Variants in DLX6 observed in about 807,000 individuals in gnomAD.
DLX6 encodes the protein homeobox protein DLX-6.
Under a neutral mutation model 33.5 loss-of-function variants are expected in DLX6, and 4 were observed. The observed-to-expected ratio is 0.12, with a 90% CI of 0.06 to 0.27. The LOEUF (loss-of-function observed/expected upper bound fraction) is 0.27, where lower values mean the gene tolerates loss of function less well. Ranked by LOEUF, DLX6 falls within the 10% of genes least tolerant of loss-of-function variation. DLX6 has a pLI of 1.00. For missense variants in DLX6, 382 were observed against 393.3 expected (o/e 0.97, Z 0.24); for synonymous variants, 184 against 164.8 (o/e 1.12, Z -0.89).
At chr7:97,006,538 T>C in intron 1 of DLX6, 125 bp downstream of exon 1, 2 of 1,046,026 alleles carry the variant, frequency 1.9e-6, no homozygotes, top group East Asian at 3.8e-5. Context: ...CCGCGCGCCC[T>C]TGGCCGGGCC....
Position 97,010,213 on chromosome 7 carries a change from T to C in DLX6, c.*166T>C. The C allele has an allele frequency of 2.4e-5, 15 of 624,274 alleles. No individual in the cohort carries two copies. Among genetic ancestry groups the C allele is most frequent in the South Asian group, 3.1e-5 (1 of 32,328 alleles). The allele number at this position is 624,274 out of a possible 1,614,324, so 38.7% of individuals were successfully genotyped here. On this transcript the variant is annotated 3_prime_UTR_variant, in exon 3 of 3. Coordinates refer to ENST00000518156, the MANE Select transcript of DLX6 (RefSeq NM_005222.4). ...CTCTCCCTCTCTCTCTCTCTCCCTC[T>C]CCTTTCTTTTTACTTCTTCCTTTCC...
At chr7:97,007,213 C>T (rs1789756435) in intron 1 of DLX6, 6 of 421,048 alleles carry the variant, frequency 1.4e-5, no homozygotes, top group East Asian at 4.2e-5. Context: ...GAGCTTGGAG[C>T]TGGTGACATC....
In DLX6 at chr7:97,010,485, A is replaced by G; in HGVS notation, c.*438A>G. 1 of 156,696 alleles carries G rather than the reference A, an allele frequency of 6.4e-6. No homozygotes were observed. The highest frequency in any genetic ancestry group is 1.4e-5 in the Non-Finnish European group (1 of 71,032). 9.7% of individuals were successfully genotyped at this position (156,696 alleles called of 1,614,324 possible). On this transcript the variant is annotated 3_prime_UTR_variant, in exon 3 of 3. Transcript: ENST00000518156. ...GAGTCTCTTCTCTTTGGGAGTATCCATCAAAATGACTTTTTTTAAAAACAG... is the reference window on the plus strand; with the variant it reads ...GAGTCTCTTCTCTTTGGGAGTATCCGTCAAAATGACTTTTTTTAAAAACAG...
At position 97,006,027 on chromosome 7, in the gene DLX6, C is replaced by A; in HGVS notation, c.50C>A (p.Ser17Tyr). The stretch of plus-strand genomic sequence containing the variant: ...GACGGCTTGGAAGGCCAGGACTCGT[C>A]CAAATCCGCCTTCATGGAGTTCGGG... Reference protein sequence around the residue: ...MADGLEGQDSSKSAFMEFGQQ... With the variant: ...MADGLEGQDSYKSAFMEFGQQ... The change falls in exon 1 of 3, where the codon TCC (serine) becomes TAC (tyrosine). Residue 17 changes from serine (S) to tyrosine (Y), a missense_variant. Ser to Tyr is a moderately radical substitution (Grantham distance 144). This residue lies in a region of DLX6 where 257 missense variants were observed against 206.9 expected (regional missense o/e 1.24). Coordinates refer to ENST00000518156, the MANE Select transcript of DLX6 (RefSeq NM_005222.4). 1 of 1,596,200 alleles carries A rather than the reference C, an allele frequency of 6.3e-7. No homozygotes were observed. The highest frequency in any genetic ancestry group is 8.5e-7 in the Non-Finnish European group (1 of 1,172,060).
intron 1 of DLX6, chr7:97,007,247 C>G (rs775146692): frequency 4.4e-5 from 22 of 504,280 alleles, no homozygotes; most frequent in Non-Finnish European, 6.7e-5. Context: ...GCGTAAACAC[C>G]TGGGTGGCTC....
intron 1 of DLX6, 21 bp downstream of exon 1, chr7:97,006,434 C>T (rs1196089060): frequency 4.6e-6 from 6 of 1,295,740 alleles, no homozygotes; most frequent in Non-Finnish European, 5.9e-6. Context: ...GCTGGGGCAG[C>T]TCGCTTCTCC....
chr7:97,010,193 C>CCTCTCTCTCT lies in DLX6; in HGVS notation c.*152_*161dup. On this transcript the variant is annotated 3_prime_UTR_variant, in exon 3 of 3. Coordinates refer to ENST00000518156, the MANE Select transcript of DLX6 (RefSeq NM_005222.4). The stretch of plus-strand genomic sequence containing the variant: ...AAGCCGACTAGGCTCATTCTCTCTC[C>CCTCTCTCTCT]CTCTCTCTCTCTCTCCCTCTCCTTT... 1.4e-6 allele frequency: 1 copy of CCTCTCTCTCT among 733,834 alleles called. No individual in the cohort carries two copies. The highest frequency in any genetic ancestry group is 2.4e-5 in the South Asian group (1 of 41,120). 45.5% of individuals were successfully genotyped at this position (733,834 alleles called of 1,614,324 possible).
At chr7:97,009,362 T>C (rs191874659) in intron 2 of DLX6, among the ~76,000 whole-genome samples, 269 of 152,324 alleles carry the variant, frequency 1.8e-3, no homozygotes, top group Non-Finnish European at 2.6e-3. Context: ...CTGTGTAAAA[T>C]AGTTATTTTA....
At position 97,010,018 on chromosome 7, in the gene DLX6, G is replaced by A; in HGVS notation, c.853G>A (p.Asp285Asn). 6.2e-7 allele frequency: 1 copy of A among 1,601,784 alleles called. No homozygotes were observed. The highest frequency in any genetic ancestry group is 1.1e-5 in the South Asian group (1 of 89,374). The change falls in exon 3 of 3, where the codon GAC becomes AAC. Residue 285 changes from aspartate to asparagine, a missense_variant. Around this residue, in one of 4 missense-constraint regions of DLX6, gnomAD observed 96 missense variants for 93.3 expected, o/e 1.03. Coordinates refer to ENST00000518156, the MANE Select transcript of DLX6 (RefSeq NM_005222.4). ...YSHWYSSPHQ[D>N]TMQRPQMM ...TCACTGGTACTCCTCTCCACACCAG[G>A]ACACGATGCAGAGACCACAGATGAT...
intron 2 of DLX6, among the ~76,000 whole-genome samples, chr7:97,008,509 C>T (rs2115873125): frequency 6.6e-6 from 1 of 152,264 alleles, no homozygotes; most frequent in African/African-American, 2.4e-5. Context: ...AAAATTGTAA[C>T]AGGTGAAGCC....
chr7:97,009,640 G>T (rs964418602), intron 2 of DLX6, among the ~76,000 whole-genome samples, 156 bp from the exon 3 acceptor site: 1 of 152,210 alleles, frequency 6.6e-6, no homozygotes, highest in Non-Finnish European at 1.5e-5. Context: ...CTAGAAAGAG[G>T]TGGAAGGAGG....
Position 97,005,840 on chromosome 7 carries a change from ATTCT to A in DLX6, c.-135_-132del. Reference sequence around the variant, plus strand: ...GAACCACCTCCACCCCCCTCTTTAAATTCTTTTTTTTTTTTTTTTTTTTTTTTGC... The same window carrying A: ...GAACCACCTCCACCCCCCTCTTTAAATTTTTTTTTTTTTTTTTTTTTTTGC... On this transcript the variant is annotated 5_prime_UTR_variant, in exon 1 of 3. Transcript: ENST00000518156. The A allele has an allele frequency of 4.8e-6, 3 of 626,982 alleles. No homozygotes were observed. In the East Asian group the frequency reaches 9.9e-5, roughly 21 times the overall value. The allele number at this position is 626,982 out of a possible 1,614,324, so 38.8% of individuals were successfully genotyped here. A position where few individuals can be genotyped will look rare whatever the true frequency, so the allele number is the denominator to read the frequency against.
In DLX6 at chr7:97,010,040, T is replaced by C; in HGVS notation, c.875T>C (p.Met292Thr). 1 of 1,590,540 alleles carries C rather than the reference T, an allele frequency of 6.3e-7. No homozygotes were observed. Among genetic ancestry groups the C allele is most frequent in the Non-Finnish European group, 8.6e-7 (1 of 1,168,062 alleles). The change falls in exon 3 of 3, where the codon ATG becomes ACG. Residue 292 changes from methionine to threonine, a missense_variant. By Grantham distance (81) the Met-to-Thr change is moderately conservative (BLOSUM62 -1). This residue lies in a region of DLX6 where 96 missense variants were observed against 93.3 expected (regional missense o/e 1.03). Transcript: ENST00000518156. ...PHQDTMQRPQ[M>T]M ...CAGGACACGATGCAGAGACCACAGA[T>C]GATGTGAGTTGCCCAAGGGAACACC... is the stretch of plus-strand genomic sequence containing the variant.
chr7:97,010,249 CTTT>C lies in DLX6; in HGVS notation c.*203_*205del. The C allele has an allele frequency of 1.8e-6, 1 of 552,194 alleles. No individual in the cohort carries two copies. The highest frequency in any genetic ancestry group is 1.9e-5 in the African/African-American group (1 of 53,070). The allele number at this position is 552,194 out of a possible 1,614,324, so 34.2% of individuals were successfully genotyped here. A position where few individuals can be genotyped will look rare whatever the true frequency, so the allele number is the denominator to read the frequency against. The stretch of plus-strand genomic sequence containing the variant: ...TACTTCTTCCTTTCCTCCATTCCTT[CTTT>C]CTTTCCTTTTCCTTTCTACCTTTCT... On this transcript the variant is annotated 3_prime_UTR_variant, in exon 3 of 3. Coordinates refer to ENST00000518156, the MANE Select transcript of DLX6 (RefSeq NM_005222.4).
Position 97,006,073 on chromosome 7 carries a change from G to GCAA in DLX6, c.99_101dup (p.Gln44dup). 1 of 1,562,666 alleles carries GCAA rather than the reference G, an allele frequency of 6.4e-7. No individual in the cohort carries two copies. Among genetic ancestry groups the GCAA allele is most frequent in the Middle Eastern group, 1.7e-4 (1 of 5,978 alleles). On this transcript the variant is annotated inframe_insertion, in exon 1 of 3. Coordinates refer to ENST00000518156, the MANE Select transcript of DLX6 (RefSeq NM_005222.4). ...TCGGGCAGCAGCAGCAGCAGCAGCA[G>GCAA]CAACAGCAGCAGCAGCAGCAGCAGC...
Position 97,006,099 on chromosome 7 carries a change from A to C in DLX6, c.122A>C (p.Gln41Pro). 8.4e-6 allele frequency: 13 copies of C among 1,552,748 alleles called. No individual in the cohort carries two copies. Among genetic ancestry groups the C allele is most frequent in the Non-Finnish European group, 1.1e-5 (13 of 1,149,296 alleles). The change falls in exon 1 of 3, where the codon CAA (glutamine) becomes CCA (proline). Residue 41 changes from glutamine (Q) to proline (P), a missense_variant. By Grantham distance (76) the Gln-to-Pro change is moderately conservative. Around this residue, in one of 4 missense-constraint regions of DLX6, gnomAD observed 257 missense variants for 206.9 expected, o/e 1.24. Transcript: ENST00000518156. ...QQQQQQQQQQ[Q>P]QQQPPPPPPP... ...CAACAGCAGCAGCAGCAGCAGCAGC[A>C]ACAGCAACAGCCGCCGCCGCCGCCG... is the stretch of plus-strand genomic sequence containing the variant.
At chr7:97,007,911 G>A in intron 2 of DLX6, 80 bp downstream of exon 2, 1 of 1,386,850 alleles carries the variant, frequency 7.2e-7, no homozygotes, top group Non-Finnish European at 9.6e-7. Context: ...AGGAGGAATT[G>A]TTGGCCTAGT....
At position 97,010,207 on chromosome 7, in the gene DLX6, T is replaced by TCTCC. The variant is rs900374556; in HGVS notation, c.*161_*162insTCCC. On this transcript the variant is annotated 3_prime_UTR_variant, in exon 3 of 3. Transcript: ENST00000518156. ...CATTCTCTCTCCCTCTCTCTCTCTC[T>TCTCC]CCCTCTCCTTTCTTTTTACTTCTTC... The TCTCC allele has an allele frequency of 7.2e-6, 5 of 691,782 alleles. No individual in the cohort carries two copies. Among genetic ancestry groups the TCTCC allele is most frequent in the Middle Eastern group, 4.0e-4 (1 of 2,520 alleles). 42.9% of individuals were successfully genotyped at this position (691,782 alleles called of 1,614,324 possible).
chr7:97,007,975 C>A, intron 2 of DLX6, 144 bp downstream of exon 2: 1 of 826,890 alleles, frequency 1.2e-6, no homozygotes, highest in Non-Finnish European at 1.8e-6. Context: ...CAGTTATGCA[C>A]TTTCCTGGGA....
Sources: gnomAD v4.1 joint callset for allele counts (sites outside exome capture counted in the v4.1 genomes callset) on GRCh38, gnomAD v4.1.1 for gene constraint, gnomAD v4.1.1 regional missense constraint, MANE v1.5 for transcripts, NCBI Gene and HGNC (gene_info 2026-07-23, HGNC 2026-07-21) for gene names.